The following ENOX2 variants were observed in gnomAD, a reference collection of about 807,000 sequenced individuals.
ENOX2 encodes APK1 antigen.
A neutral mutation model predicts 45.0 loss-of-function variants in ENOX2; 36 were observed. The observed-to-expected ratio is 0.80, with a 90% CI of 0.61 to 1.06. The LOEUF (loss-of-function observed/expected upper bound fraction) is 1.06, where lower values mean the gene tolerates loss of function less well. Ranked by LOEUF, ENOX2 falls within the 50% of genes least tolerant of loss-of-function variation. ENOX2 has a pLI of 0.00. For synonymous variants in ENOX2, 174 were observed against 152.3 expected (o/e 1.14, Z -1.05); for missense variants, 423 against 462.5 (o/e 0.91, Z 0.78).
chrX:130,782,075 T>C (rs1290581482), intron 3 of ENOX2, among the ~76,000 whole-genome samples: 1 of 111,643 alleles, frequency 9.0e-6, no homozygotes, highest in Non-Finnish European at 1.9e-5. Context: ...GTTTAAATTA[T>C]ATTGAATACA....
At chrX:130,685,125 G>A (rs753619767) in intron 5 of ENOX2, among the ~76,000 whole-genome samples, 14 of 111,833 alleles carry the variant, frequency 1.3e-4, no homozygotes, top group Non-Finnish European at 2.3e-4. Context: ...TATTTAGAGG[G>A]GAAGTGTTCT....
intron 3 of ENOX2, chrX:130,709,357 G>T (rs754168001): frequency 2.0e-6 from 2 of 992,522 alleles, no homozygotes; most frequent in Admixed American, 2.2e-5. Context: ...AGTAGTCTCA[G>T]CTGGGCGTGG....
chrX:130,761,252 C>A (rs2039483746), intron 3 of ENOX2, among the ~76,000 whole-genome samples: 1 of 111,443 alleles, frequency 9.0e-6, no homozygotes, highest in Non-Finnish European at 1.9e-5. Context: ...TGTGGTAATT[C>A]TTCTTTATAA....
chrX:130,639,317 G>A (rs936808025), intron 10 of ENOX2, among the ~76,000 whole-genome samples: 1 of 112,010 alleles, frequency 8.9e-6, no homozygotes, highest in Non-Finnish European at 1.9e-5. Context: ...CCAAAGGTGT[G>A]TGTGTGTGTG....
At chrX:130,735,145 A>C (rs184151911) in intron 3 of ENOX2, among the ~76,000 whole-genome samples, 1 of 111,981 alleles carries the variant, frequency 8.9e-6, no homozygotes, top group African/African-American at 3.2e-5. Context: ...TTCCAAGTAC[A>C]TTTTGTGTTC....
At chrX:130,879,091 A>T (rs981504352) in intron 2 of ENOX2, among the ~76,000 whole-genome samples, 3 of 111,969 alleles carry the variant, frequency 2.7e-5, no homozygotes, top group Admixed American at 1.9e-4. Flanking sequence ...TCCATGACTC[A>T]GCAGAGTGTG....
At chrX:130,675,308 T>A (rs1160550433) in intron 6 of ENOX2, among the ~76,000 whole-genome samples, 2 of 111,770 alleles carry the variant, frequency 1.8e-5, no homozygotes, top group Non-Finnish European at 3.8e-5. Context: ...ATGATTGCCA[T>A]TCTAACTGGT....
chrX:130,641,718 C>CAAAAAAAAAAAAAA (rs753792308), intron 10 of ENOX2, among the ~76,000 whole-genome samples: 1 of 34,717 alleles, frequency 2.9e-5, no homozygotes, highest in Non-Finnish European at 5.1e-5. Context: ...ACTCCATCTC[C>CAAAAAAAAAAAAAA]AAAAAAAAAA....
At chrX:130,645,753 C>T (rs1288456967) in intron 10 of ENOX2, 4 of 817,073 alleles carry the variant, frequency 4.9e-6, no homozygotes, top group Admixed American at 5.1e-5. Context: ...GGTGTGGCGC[C>T]GGCTTCTGCG....
chrX:130,768,476 CCT>C (rs1203794160), intron 3 of ENOX2, among the ~76,000 whole-genome samples: 2 of 111,861 alleles, frequency 1.8e-5, no homozygotes, highest in Admixed American at 9.5e-5. Flanking sequence ...CTAAGTGTCC[CCT>C]CTTTCCAACC....
chrX:130,903,083 A>AT lies in ENOX2; in HGVS notation c.-266dup, dbSNP rs2079177463. On this transcript the variant is annotated 5_prime_UTR_variant, in exon 1 of 15. Transcript: ENST00000394363. ...CCCGGCTACCGAAGCGCTAGTCCTTATACAGCCGCGGAAAATCGGGCCGGC... is the reference window on the plus strand; with the variant it reads ...CCCGGCTACCGAAGCGCTAGTCCTTATTACAGCCGCGGAAAATCGGGCCGGC... 1 of 112,348 alleles carries AT rather than the reference A, an allele frequency of 8.9e-6. No homozygotes were observed. The highest frequency in any genetic ancestry group is 9.3e-5 in the Admixed American group (1 of 10,715). The allele number at this position is 112,348 out of a possible 1,213,427, so 9.3% of individuals were successfully genotyped here.
At chrX:130,662,028 CA>C (rs1247202195) in intron 9 of ENOX2, among the ~76,000 whole-genome samples, 35 of 111,347 alleles carry the variant, frequency 3.1e-4, no homozygotes, top group African/African-American at 1.1e-3. Context: ...GAATCTAGGC[CA>C]GCTAGAGAGA....
intron 4 of ENOX2, among the ~76,000 whole-genome samples, chrX:130,694,466 A>G (rs767493106): frequency 1.1e-3 from 121 of 111,603 alleles, no homozygotes; most frequent in African/African-American, 3.6e-3. Context: ...GTACTAAGAT[A>G]ACAGTTGTCT....
intron 1 of ENOX2, among the ~76,000 whole-genome samples, chrX:130,902,191 A>G (rs977530298): frequency 9.0e-6 from 1 of 111,480 alleles, no homozygotes; most frequent in African/African-American, 3.3e-5. Flanking sequence ...TAATAATACA[A>G]TGATTAATAT....
At chrX:130,839,015 C>T (rs1569507694) in intron 2 of ENOX2, among the ~76,000 whole-genome samples, 1 of 112,021 alleles carries the variant, frequency 8.9e-6, no homozygotes, top group East Asian at 2.8e-4. Context: ...AGGGGCATTG[C>T]CGCCAAAGTG....
intron 3 of ENOX2, among the ~76,000 whole-genome samples, chrX:130,725,672 C>T (rs375645641): frequency 1.8e-5 from 2 of 110,412 alleles, no homozygotes; most frequent in African/African-American, 6.6e-5. Flanking sequence ...CCTTGGTTCA[C>T]GTAAGGCTGT....
intron 12 of ENOX2, among the ~76,000 whole-genome samples, chrX:130,631,827 C>G (rs1294709255): frequency 1.9e-5 from 2 of 102,714 alleles, no homozygotes; most frequent in Admixed American, 1.0e-4. Context: ...TTTTTTCTGC[C>G]TTCATCTTGA....
At chrX:130,763,715 A>G (rs1031918257) in intron 3 of ENOX2, among the ~76,000 whole-genome samples, 2 of 110,879 alleles carry the variant, frequency 1.8e-5, no homozygotes, top group Non-Finnish European at 3.8e-5. Context: ...TAAAAATAAA[A>G]TTTTAAAAAA....
intron 12 of ENOX2, among the ~76,000 whole-genome samples, chrX:130,633,636 T>G (rs1207547784): frequency 8.9e-6 from 1 of 112,491 alleles, no homozygotes; most frequent in East Asian, 2.8e-4. Context: ...AATGAAATAC[T>G]TTACAAAGCA....
Sources: allele counts gnomAD v4.1 joint callset (sites outside exome capture counted in the v4.1 genomes callset), GRCh38; gene constraint gnomAD v4.1.1; transcripts MANE v1.5; gene names NCBI Gene and HGNC (gene_info 2026-07-23, HGNC 2026-07-21).